Variants in ZFHX4 observed in about 807,000 individuals in gnomAD.
The protein encoded by ZFHX4 is zinc finger homeobox 4, also known as zinc finger homeobox protein 4.
ZFHX4 carries 56 observed loss-of-function variants against 267.6 expected under a neutral mutation model. The observed-to-expected ratio is 0.21, with a 90% confidence interval of 0.17 to 0.26. ZFHX4 has a LOEUF of 0.26. Ranked by LOEUF, ZFHX4 falls within the 10% of genes least tolerant of loss-of-function variation. The probability of loss-of-function intolerance (pLI) is 1.00; values close to 1 mark genes in which losing one functional copy is unlikely to be tolerated. For synonymous variants in ZFHX4, 1,778 were observed against 1,665.6 expected (o/e 1.07, Z -1.64); for missense variants, 4,332 against 4,420.0 (o/e 0.98, Z 0.56).
At chr8:76,744,932 G>A (rs904719719) in intron 3 of ZFHX4, among the ~76,000 whole-genome samples, 2 of 152,058 alleles carry the variant, frequency 1.3e-5, no homozygotes, top group Non-Finnish European at 2.9e-5. Flanking sequence ...TTCTAGACAA[G>A]AGCCTGGAAA....
chr8:76,771,022 C>T (rs1199356858), intron 3 of ZFHX4, among the ~76,000 whole-genome samples: 1 of 152,118 alleles, frequency 6.6e-6, no homozygotes. Flanking sequence ...GGTTGTTAAA[C>T]TGGAAGTGTG....
intron 3 of ZFHX4, among the ~76,000 whole-genome samples, chr8:76,726,384 TTG>T (rs1329312838): frequency 2.0e-5 from 3 of 152,150 alleles, no homozygotes; most frequent in Non-Finnish European, 4.4e-5. Context: ...TGATACCCTT[TTG>T]TCAGACATTT....
chr8:76,780,620 A>G (rs1225941585), intron 4 of ZFHX4, among the ~76,000 whole-genome samples: 2 of 152,210 alleles, frequency 1.3e-5, no homozygotes, highest in East Asian at 1.9e-4. Flanking sequence ...GCTAAATGCC[A>G]AACAATTCTA....
chr8:76,781,751 A>G (rs899672228), intron 4 of ZFHX4, among the ~76,000 whole-genome samples: 3 of 152,088 alleles, frequency 2.0e-5, no homozygotes, highest in African/African-American at 7.2e-5. Context: ...AGCTGTTACA[A>G]CTGTCTCCAA....
chr8:76,852,954 C>A lies in ZFHX4; in HGVS notation c.6033C>A (p.Pro2011=). ...ETPPPPPPPP[P]LPPAPPQPSS... ...CGCCCCCGCCACCTCCTCCTCCTCC[C>A]TTGCCTCCGGCTCCTCCACAGCCTT... The change falls in exon 10 of 11, where the codon CCC becomes CCA. Residue 2011 remains proline (P), a synonymous_variant. Coordinates refer to ENST00000651372, the MANE Select transcript of ZFHX4 (RefSeq NM_024721.5). 6.4e-7 allele frequency: 1 copy of A among 1,572,242 alleles called. No individual in the cohort carries two copies. Among genetic ancestry groups the A allele is most frequent in the East Asian group, 2.3e-5 (1 of 42,584 alleles).
rs763886553 is a variant in ZFHX4 at position 76,685,103 on chromosome 8, A to C, written c.-47+3483A>C. Among the ~76,000 whole-genome samples, 81 of 152,190 alleles carry C rather than the reference A, an allele frequency of 5.3e-4. 1 individual carries two copies. The highest frequency in any genetic ancestry group is 6.0e-4 in the Non-Finnish European group (41 of 68,032). On this transcript the variant is annotated intron_variant, in intron 1 of 10. Transcript: ENST00000651372. ...TACAATTATTTCTTAAAGATAATAC[A>C]TTTAAGATTGCATTGGTAGGCTGAA...
chr8:76,788,770 T>C (rs1336926991), intron 4 of ZFHX4, among the ~76,000 whole-genome samples: 4 of 152,204 alleles, frequency 2.6e-5, no homozygotes, highest in Non-Finnish European at 4.4e-5. Flanking sequence ...GCCAGGTTTT[T>C]AGTTCTTTGT....
chr8:76,760,128 A>T (rs1446098898), intron 3 of ZFHX4, among the ~76,000 whole-genome samples: 1 of 152,212 alleles, frequency 6.6e-6, no homozygotes, highest in East Asian at 1.9e-4. Context: ...ATAAGAAAAA[A>T]TTACATTCTC....
intron 4 of ZFHX4, among the ~76,000 whole-genome samples, chr8:76,807,831 G>A (rs1045025268): frequency 3.3e-5 from 5 of 152,032 alleles, no homozygotes; most frequent in Non-Finnish European, 5.9e-5. Flanking sequence ...CAAATAAGTG[G>A]ATAGTAATGA....
At position 76,846,257 on chromosome 8, in the gene ZFHX4, A is replaced by C. The variant is rs1372985788; in HGVS notation, c.3512-2738A>C. Among the ~76,000 whole-genome samples, 6 of 152,052 alleles carry C rather than the reference A, an allele frequency of 3.9e-5. No individual in the cohort carries two copies. In the East Asian group the frequency reaches 1.2e-3, roughly 29 times the overall value. On this transcript the variant is annotated intron_variant, in intron 6 of 10. Coordinates refer to ENST00000651372, the MANE Select transcript of ZFHX4 (RefSeq NM_024721.5). ...CCTGATGACTTGCCTCATCCTCCAG[A>C]GTCTGTTTTGTCATGTTACCACATC...
intron 3 of ZFHX4, among the ~76,000 whole-genome samples, chr8:76,722,948 G>A (rs1471141078): frequency 1.3e-5 from 2 of 151,900 alleles, no homozygotes; most frequent in African/African-American, 4.8e-5. Context: ...TCCCCAATTG[G>A]CCTTCAATTG....
At chr8:76,751,812 T>A (rs938663775) in intron 3 of ZFHX4, among the ~76,000 whole-genome samples, 16 of 152,170 alleles carry the variant, frequency 1.1e-4, no homozygotes, top group African/African-American at 3.6e-4. Flanking sequence ...GAAACTCTTC[T>A]AGCTACGATG....
At chr8:76,766,955 T>C (rs1190922262) in intron 3 of ZFHX4, among the ~76,000 whole-genome samples, 1 of 152,066 alleles carries the variant, frequency 6.6e-6, no homozygotes, top group Non-Finnish European at 1.5e-5. Flanking sequence ...TTTTTTTCCC[T>C]AACACTCAGT....
chr8:76,741,396 T>C (rs1338377982), intron 3 of ZFHX4, among the ~76,000 whole-genome samples: 1 of 152,166 alleles, frequency 6.6e-6, no homozygotes, highest in Non-Finnish European at 1.5e-5. Flanking sequence ...AAATTTCAGC[T>C]GGAAACTTAT....
At chr8:76,817,534 T>C (rs895106182) in intron 4 of ZFHX4, among the ~76,000 whole-genome samples, 6 of 152,200 alleles carry the variant, frequency 3.9e-5, no homozygotes, top group Non-Finnish European at 8.8e-5. Context: ...TATTTCATCC[T>C]CCAGAGCTTT....
Position 76,863,582 on chromosome 8 carries a change from G to A in ZFHX4, c.9868G>A (p.Val3290Ile). ...AGTGCAGGGGGGATACTTCCCACCT[G>A]TCTGTGGCATGGAGAGCCTCTTTCC... ...GTVQGGYFPP[V>I]CGMESLFPYG... is the part of the protein sequence containing the mutation. The change falls in exon 11 of 11, where the codon GTC becomes ATC. Residue 3290 changes from valine to isoleucine, a missense_variant. Val to Ile is a conservative substitution (Grantham distance 29, BLOSUM62 3). Coordinates refer to ENST00000651372, the MANE Select transcript of ZFHX4 (RefSeq NM_024721.5). The A allele has an allele frequency of 6.2e-7, 1 of 1,613,790 alleles. No individual in the cohort carries two copies.
At chr8:76,696,744 A>G (rs12680735) in intron 1 of ZFHX4, among the ~76,000 whole-genome samples, 6,442 of 151,914 alleles carry the variant, frequency 0.042, 308 homozygotes, top group East Asian at 0.24. Flanking sequence ...CCAATATTTC[A>G]TCTAGAAGAA....
chr8:76,825,037 T>C (rs1811749079), intron 4 of ZFHX4, among the ~76,000 whole-genome samples: 1 of 152,176 alleles, frequency 6.6e-6, no homozygotes, highest in Admixed American at 6.5e-5. Context: ...CTCCAAAATA[T>C]CTGCACAAAT....
At chr8:76,711,960 A>G (rs1808435890) in intron 3 of ZFHX4, among the ~76,000 whole-genome samples, 1 of 152,222 alleles carries the variant, frequency 6.6e-6, no homozygotes, top group Admixed American at 6.5e-5. Context: ...TGCTCTTTTA[A>G]TATTATATGT....
Sources: allele counts gnomAD v4.1 joint callset (sites outside exome capture counted in the v4.1 genomes callset), GRCh38; gene constraint gnomAD v4.1.1; transcripts MANE v1.5; gene names NCBI Gene and HGNC (gene_info 2026-07-23, HGNC 2026-07-21).